Variants in CTNND2 observed in about 807,000 individuals in gnomAD.
CTNND2 encodes catenin delta-2.
In CTNND2, 22 loss-of-function variants were observed where a neutral mutation model predicts 144.4. That is an observed-to-expected ratio of 0.15 (90% confidence interval 0.11 to 0.22). CTNND2 has a LOEUF of 0.22. CTNND2 is among the 10% of genes least tolerant of loss of function. The pLI is 1.00. For missense variants in CTNND2, 1,353 were observed against 1,618.8 expected (o/e 0.84, Z 2.82); for synonymous variants, 751 against 695.6 (o/e 1.08, Z -1.25).
intron 12 of CTNND2, among the ~76,000 whole-genome samples, chr5:11,143,069 T>C (rs13176246): frequency 0.047 from 7,230 of 152,230 alleles, 269 homozygotes; most frequent in East Asian, 0.089. Flanking sequence ...CTCAGGCATA[T>C]GTGCCCGAGC....
intron 1 of CTNND2, among the ~76,000 whole-genome samples, chr5:11,806,325 A>G (rs1275673784): frequency 6.6e-6 from 1 of 152,276 alleles, no homozygotes; most frequent in East Asian, 1.9e-4. Context: ...TGCACAAAAA[A>G]TTATCTTAAA....
intron 9 of CTNND2, among the ~76,000 whole-genome samples, chr5:11,304,945 T>C (rs1237051039): frequency 3.8e-5 from 4 of 104,988 alleles, no homozygotes; most frequent in Non-Finnish European, 4.5e-5. Flanking sequence ...GGAGGGTTTA[T>C]GTGCTTCCTT....
rs16901396 is a variant in CTNND2, at chr5:11,199,902, G to A, written c.1762-241C>T. On this transcript the variant is annotated intron_variant, in intron 10 of 21. Coordinates refer to ENST00000304623, the MANE Select transcript of CTNND2 (RefSeq NM_001332.4). ...TTTCGAACTATAGAATTTTGGAAAG[G>A]TGATTTTAACTTCATATTGAGTGCC... Among the ~76,000 whole-genome samples the A allele has an allele frequency of 4.2e-3, 647 of 152,240 alleles. 7 individuals are homozygous for A. The highest frequency in any genetic ancestry group is 0.015 in the African/African-American group (609 of 41,538).
At chr5:11,323,234 G>GGA (rs1554032322) in intron 9 of CTNND2, among the ~76,000 whole-genome samples, 2 of 146,050 alleles carry the variant, frequency 1.4e-5, no homozygotes, top group Non-Finnish European at 1.5e-5. Flanking sequence ...TAGAGATTGG[G>GGA]GGGGGGGGTC....
chr5:11,265,773 T>C (rs969781230), intron 9 of CTNND2, among the ~76,000 whole-genome samples: 1 of 148,856 alleles, frequency 6.7e-6, no homozygotes, highest in Non-Finnish European at 1.5e-5. Flanking sequence ...TGGTGCAATC[T>C]TGGCTCACTG....
intron 2 of CTNND2, among the ~76,000 whole-genome samples, chr5:11,696,075 TTAAC>T (rs1360886634): frequency 6.6e-6 from 1 of 152,128 alleles, no homozygotes; most frequent in Non-Finnish European, 1.5e-5. Flanking sequence ...ATGCAATTAT[TTAAC>T]TGTCAGCACA....
At chr5:11,046,794 A>G (rs940911554) in intron 16 of CTNND2, among the ~76,000 whole-genome samples, 4 of 152,176 alleles carry the variant, frequency 2.6e-5, no homozygotes, top group Non-Finnish European at 5.9e-5. Flanking sequence ...CACTGTCACT[A>G]CCACTGGATT....
Position 11,384,612 on chromosome 5 carries a change from G to T in CTNND2, c.1177+53C>A, listed in dbSNP as rs1758849629. ...CTGCTCAAGCCGGGCTGCTGCTTCC[G>T]CGTCCCCGCCACGCGCCCAGGTGAG... is the stretch of plus-strand genomic sequence containing the variant. On this transcript the variant is annotated intron_variant, in intron 7 of 21. Coordinates refer to ENST00000304623, the MANE Select transcript of CTNND2 (RefSeq NM_001332.4). This position sits in a 1 kb window ranked among gnomAD's most constrained non-coding sequence, Gnocchi z 5.2. 2 of 1,518,368 alleles carry T rather than the reference G, an allele frequency of 1.3e-6. No individual in the cohort carries two copies. The highest frequency in any genetic ancestry group is 1.8e-6 in the Non-Finnish European group (2 of 1,132,290). The allele number at this position is 1,518,368 out of a possible 1,614,324, so 94.1% of individuals were successfully genotyped here.
chr5:11,613,764 G>T (rs983831402), intron 2 of CTNND2, among the ~76,000 whole-genome samples: 2 of 152,108 alleles, frequency 1.3e-5, no homozygotes, highest in Admixed American at 1.3e-4. Flanking sequence ...GGTAAAGCTA[G>T]GATTAGAATT....
At chr5:11,845,962 T>TACA (rs1379336460) in intron 1 of CTNND2, among the ~76,000 whole-genome samples, 1 of 152,194 alleles carries the variant, frequency 6.6e-6, no homozygotes, top group Non-Finnish European at 1.5e-5. Context: ...CTTTGATTTG[T>TACA]ACTTTGACAC....
At chr5:11,429,783 G>C (rs112893121) in intron 3 of CTNND2, among the ~76,000 whole-genome samples, 2,833 of 152,128 alleles carry the variant, frequency 0.019, 108 homozygotes, top group African/African-American at 0.065. Context: ...AGAGTGTCTA[G>C]CAAGCGGGTT....
intron 16 of CTNND2, among the ~76,000 whole-genome samples, chr5:11,056,110 C>T (rs987371733): frequency 6.6e-6 from 1 of 152,176 alleles, no homozygotes; most frequent in Non-Finnish European, 1.5e-5. Flanking sequence ...CAGGCTTTTG[C>T]TAAGTACATG....
At chr5:11,062,481 G>A (rs1747104955) in intron 16 of CTNND2, among the ~76,000 whole-genome samples, 1 of 152,228 alleles carries the variant, frequency 6.6e-6, no homozygotes. Flanking sequence ...ACAGTTGGCT[G>A]CTTTTCTCTT....
At chr5:11,807,751 A>C (rs952484720) in intron 1 of CTNND2, among the ~76,000 whole-genome samples, 1 of 152,170 alleles carries the variant, frequency 6.6e-6, no homozygotes, top group African/African-American at 2.4e-5. Flanking sequence ...CAGAGGCATA[A>C]TGGTTCTGTC....
rs1218705519 is a variant in CTNND2 at position 11,903,904 on chromosome 5, G to A, written c.-51C>T. 3 of 1,398,470 alleles carry A rather than the reference G, an allele frequency of 2.1e-6. No individual in the cohort carries two copies. Among genetic ancestry groups the A allele is most frequent in the South Asian group, 1.5e-5 (1 of 64,544 alleles). The allele number at this position is 1,398,470 out of a possible 1,614,324, so 86.6% of individuals were successfully genotyped here. A position where few individuals can be genotyped will look rare whatever the true frequency, so the allele number is the denominator to read the frequency against. On this transcript the variant is annotated 5_prime_UTR_variant, in exon 1 of 22. Transcript: ENST00000304623. This position sits in a 1 kb window ranked among gnomAD's most constrained non-coding sequence, Gnocchi z 5.4. ...CAGTCCGGGAAGAGGCGTGCGCGGC[G>A]CCGCCCGGCTTCAGGGCAAGGTCCT... is the stretch of plus-strand genomic sequence containing the variant.
intron 2 of CTNND2, among the ~76,000 whole-genome samples, chr5:11,682,058 C>A (rs1227225423): frequency 6.6e-6 from 1 of 152,180 alleles, no homozygotes; most frequent in Non-Finnish European, 1.5e-5. Context: ...AGGTAACTGA[C>A]TGGGAGCAGC....
In CTNND2 at chr5:11,048,996, C is replaced by G. The variant is rs533269408; in HGVS notation, c.2789-26017G>C. On this transcript the variant is annotated intron_variant, in intron 16 of 21. Coordinates refer to ENST00000304623, the MANE Select transcript of CTNND2 (RefSeq NM_001332.4). ...TGCCAGTAGCACCCTCCCATCCACA[C>G]CAGTTGTGACAACAAAAAATGTTTT... 2.3e-4 allele frequency among the ~76,000 whole-genome samples: 35 copies of G among 152,326 alleles called. No individual in the cohort carries two copies. In the South Asian group the frequency reaches 3.5e-3, roughly 15 times the overall value.
chr5:11,419,934 G>A (rs1242209398), intron 3 of CTNND2, among the ~76,000 whole-genome samples: 1 of 152,070 alleles, frequency 6.6e-6, no homozygotes, highest in Non-Finnish European at 1.5e-5. Flanking sequence ...ATGAAATAAA[G>A]GTACAGAACT....
intron 2 of CTNND2, among the ~76,000 whole-genome samples, chr5:11,582,739 C>A (rs1778531814): frequency 1.3e-5 from 2 of 152,212 alleles, no homozygotes; most frequent in African/African-American, 4.8e-5. Context: ...AGACACCACA[C>A]ACTTCATAGA....
Sources: allele counts gnomAD v4.1 joint callset (sites outside exome capture counted in the v4.1 genomes callset), GRCh38; gene constraint gnomAD v4.1.1; non-coding constraint Gnocchi (gnomAD v3.1); transcripts MANE v1.5; gene names NCBI Gene and HGNC (gene_info 2026-07-23, HGNC 2026-07-21).